PUDP: variants seen among roughly 807,000 people sequenced by gnomAD.
PUDP encodes pseudouridine-5'-phosphatase.
PUDP carries 8 observed loss-of-function variants against 9.4 expected under a neutral mutation model. The observed-to-expected ratio is 0.85, with a 90% CI of 0.50 to 1.53. PUDP has a LOEUF of 1.53. Among genes scored for constraint, PUDP ranks in the 40% most tolerant of loss-of-function variants. PUDP has a pLI of 0.00. For missense variants in PUDP, 188 were observed against 189.7 expected (o/e 0.99, Z 0.05); for synonymous variants, 99 against 80.7 (o/e 1.23, Z -1.22).
intron 3 of PUDP, among the ~76,000 whole-genome samples, chrX:6,750,250 T>C (rs750594733): frequency 2.2e-4 from 25 of 112,161 alleles, no homozygotes; most frequent in Non-Finnish European, 4.5e-4. Context: ...CAGATTGAAA[T>C]CGTTTCAGCA....
intron 3 of PUDP, among the ~76,000 whole-genome samples, chrX:6,751,888 A>AG (rs1411293873): frequency 9.0e-6 from 1 of 111,049 alleles, no homozygotes; most frequent in Non-Finnish European, 1.9e-5. Flanking sequence ...CAGAATTATG[A>AG]GGCAGCATCA....
intron 3 of PUDP, among the ~76,000 whole-genome samples, chrX:6,971,804 G>T (rs1362150533): frequency 9.0e-6 from 1 of 111,672 alleles, no homozygotes; most frequent in Non-Finnish European, 1.9e-5. Context: ...ATTACTTTTG[G>T]CAGTATGGCC....
intron 3 of PUDP, among the ~76,000 whole-genome samples, chrX:7,053,725 G>A (rs975459590): frequency 1.8e-5 from 2 of 111,167 alleles, no homozygotes; most frequent in African/African-American, 6.6e-5. Flanking sequence ...TAATACAGGG[G>A]GTCTGCAGTG....
chrX:6,876,916 T>C (rs1223793193), intron 3 of PUDP, among the ~76,000 whole-genome samples: 4 of 106,549 alleles, frequency 3.8e-5, no homozygotes, highest in Admixed American at 1.0e-4. Context: ...TATGTGTCTA[T>C]CCATATAGAC....
intron 1 of PUDP, among the ~76,000 whole-genome samples, chrX:7,038,397 A>G (rs1929880689): frequency 8.9e-6 from 1 of 112,218 alleles, no homozygotes; most frequent in South Asian, 3.7e-4. Flanking sequence ...TGTTGTATAA[A>G]TCACCTTCAG....
At chrX:6,955,512 G>A (rs766334058) in intron 3 of PUDP, among the ~76,000 whole-genome samples, 3 of 111,398 alleles carry the variant, frequency 2.7e-5, no homozygotes, top group South Asian at 3.8e-4. Context: ...GACATTGACC[G>A]TGATGTTTCT....
intron 3 of PUDP, among the ~76,000 whole-genome samples, chrX:6,858,263 C>T (rs1164701700): frequency 1.8e-5 from 2 of 109,801 alleles, no homozygotes; most frequent in Non-Finnish European, 3.8e-5. Flanking sequence ...GGTACGGAAG[C>T]TCTGAATTCC....
At chrX:6,711,955 A>G (rs1924537579) in intron 1 of PUDP, among the ~76,000 whole-genome samples, 1 of 111,342 alleles carries the variant, frequency 9.0e-6, no homozygotes, top group Non-Finnish European at 1.9e-5. Context: ...GTCAATCTAC[A>G]GCATGTGCAG....
intron 1 of PUDP, among the ~76,000 whole-genome samples, chrX:7,003,232 T>C (rs910830814): frequency 9.0e-6 from 1 of 111,594 alleles, no homozygotes; most frequent in African/African-American, 3.3e-5. Flanking sequence ...TCTGACTCTA[T>C]ATTGTTTTCA....
chrX:6,883,521 C>CAA (rs753618830), intron 3 of PUDP, among the ~76,000 whole-genome samples: 1,075 of 41,232 alleles, frequency 0.026, 33 homozygotes, highest in African/African-American at 0.082. Context: ...GACCTTGTCT[C>CAA]AAAAAAAAAA....
intron 3 of PUDP, among the ~76,000 whole-genome samples, chrX:7,073,376 C>CT (rs924825134): frequency 1.8e-5 from 2 of 112,154 alleles, no homozygotes; most frequent in African/African-American, 6.5e-5. Context: ...GACTACTTTC[C>CT]TATGACTACT....
intron 3 of PUDP, among the ~76,000 whole-genome samples, chrX:6,846,549 C>T (rs1318323050): frequency 1.8e-5 from 2 of 110,954 alleles, no homozygotes; most frequent in African/African-American, 6.6e-5. Flanking sequence ...GGGATCTCTA[C>T]TGCCCCACCC....
At chrX:6,863,320 C>T (rs748568265) in intron 3 of PUDP, among the ~76,000 whole-genome samples, 25 of 112,655 alleles carry the variant, frequency 2.2e-4, no homozygotes, top group Non-Finnish European at 3.9e-4. Context: ...GAACACATCT[C>T]AATTTGGACT....
At chrX:7,048,204 C>T (rs1466176406), downstream of PUDP, among the ~76,000 whole-genome samples, 1 of 112,335 alleles carries the variant, frequency 8.9e-6, no homozygotes, top group Admixed American at 9.4e-5. Context: ...AGCAGTATAA[C>T]AGGTCCTTCC....
chrX:7,016,918 A>G (rs929919659), intron 1 of PUDP, among the ~76,000 whole-genome samples: 1 of 111,477 alleles, frequency 9.0e-6, no homozygotes, highest in African/African-American at 3.3e-5. Context: ...ATCTGCGAGA[A>G]TCCAGCACTT....
chrX:6,924,868 T>C (rs1181765296), intron 3 of PUDP, among the ~76,000 whole-genome samples: 1 of 112,666 alleles, frequency 8.9e-6, no homozygotes, highest in Non-Finnish European at 1.9e-5. Context: ...TTGGGCATTA[T>C]ACTCATTTGG....
At chrX:6,760,577 AT>A (rs1331496426) in intron 3 of PUDP, among the ~76,000 whole-genome samples, 2 of 112,058 alleles carry the variant, frequency 1.8e-5, no homozygotes, top group Non-Finnish European at 3.8e-5. Flanking sequence ...CTTTTTATCA[AT>A]TAACTACCCA....
intron 3 of PUDP, among the ~76,000 whole-genome samples, chrX:6,787,978 C>T (rs1257726235): frequency 3.6e-5 from 4 of 111,909 alleles, no homozygotes; most frequent in Non-Finnish European, 7.5e-5. Flanking sequence ...ATTTTATGTT[C>T]TTCTATTTCA....
intron 3 of PUDP, among the ~76,000 whole-genome samples, chrX:6,883,766 G>A (rs1927382930): frequency 9.0e-6 from 1 of 111,689 alleles, no homozygotes; most frequent in South Asian, 3.7e-4. Context: ...TTTTATTAAT[G>A]CCTATGAGTA....
Sources: allele counts gnomAD v4.1 joint callset (sites outside exome capture counted in the v4.1 genomes callset), GRCh38; gene constraint gnomAD v4.1.1; transcripts MANE v1.5; gene names NCBI Gene and HGNC (gene_info 2026-07-23, HGNC 2026-07-21).